The following GPC6 variants were observed in gnomAD, a reference collection of about 807,000 sequenced individuals.
GPC6 encodes the protein glypican 6.
In GPC6, 14 loss-of-function variants were observed where a neutral mutation model predicts 55.2. The observed-to-expected ratio is 0.25, with a 90% CI of 0.17 to 0.40. GPC6 has a LOEUF of 0.40. Ranked by LOEUF, GPC6 falls within the 10% of genes least tolerant of loss-of-function variation. The pLI, the probability that GPC6 is intolerant of heterozygous loss-of-function variation, is 1.00. For missense variants in GPC6, 641 were observed against 708.5 expected, an observed-to-expected ratio of 0.90 and a Z score of 1.08; for synonymous variants, 278 against 259.6, an observed-to-expected ratio of 1.07 and a Z score of -0.68.
intron 2 of GPC6, among the ~76,000 whole-genome samples, chr13:93,548,890 A>G (rs1277383456): frequency 6.6e-6 from 1 of 152,216 alleles, no homozygotes; most frequent in Non-Finnish European, 1.5e-5. Flanking sequence ...AAATGTCATG[A>G]TAAAAGTCTA....
At chr13:93,584,845 T>C (rs1003523557) in intron 2 of GPC6, among the ~76,000 whole-genome samples, 1 of 151,926 alleles carries the variant, frequency 6.6e-6, no homozygotes, top group Non-Finnish European at 1.5e-5. Flanking sequence ...TGCACCACCA[T>C]GTTCAGCGAA....
chr13:94,320,184 G>C (rs941613128), intron 6 of GPC6, among the ~76,000 whole-genome samples: 2 of 152,126 alleles, frequency 1.3e-5, no homozygotes, highest in African/African-American at 4.8e-5. Flanking sequence ...CAGCCACTTA[G>C]TTTTTAACGT....
chr13:94,030,406 A>G (rs1013086414), intron 4 of GPC6, among the ~76,000 whole-genome samples: 3 of 152,122 alleles, frequency 2.0e-5, no homozygotes, highest in African/African-American at 7.2e-5. Flanking sequence ...ATTGACCACC[A>G]ATACAGACTT....
At chr13:93,685,145 C>A (rs1181112434) in intron 2 of GPC6, among the ~76,000 whole-genome samples, 1 of 152,176 alleles carries the variant, frequency 6.6e-6, no homozygotes, top group Non-Finnish European at 1.5e-5. Flanking sequence ...TTTTCTCTTT[C>A]ATTTGAGAGT....
chr13:94,137,769 C>G, intron 4 of GPC6, among the ~76,000 whole-genome samples: 1 of 152,012 alleles, frequency 6.6e-6, no homozygotes, highest in East Asian at 1.9e-4. Flanking sequence ...GGCAAAATGA[C>G]CTATTATTCA....
chr13:93,320,387 TAAAG>T (rs1455859393), intron 1 of GPC6, among the ~76,000 whole-genome samples: 2 of 151,412 alleles, frequency 1.3e-5, no homozygotes, highest in East Asian at 1.9e-4. Flanking sequence ...AGCTATTTAT[TAAAG>T]AAAGTGCTCA....
At chr13:94,204,128 C>A (rs906338526) in intron 4 of GPC6, among the ~76,000 whole-genome samples, 1 of 151,984 alleles carries the variant, frequency 6.6e-6, no homozygotes, top group Non-Finnish European at 1.5e-5. Context: ...TAGATTTAAA[C>A]AACATCTCAA....
At chr13:94,094,682 T>C (rs1432916250) in intron 4 of GPC6, among the ~76,000 whole-genome samples, 4 of 152,162 alleles carry the variant, frequency 2.6e-5, no homozygotes, top group Non-Finnish European at 5.9e-5. Flanking sequence ...TAATTATTGG[T>C]TTAGTTTTTA....
At chr13:93,965,449 A>C (rs960678038) in intron 3 of GPC6, among the ~76,000 whole-genome samples, 1 of 152,044 alleles carries the variant, frequency 6.6e-6, no homozygotes, top group East Asian at 1.9e-4. Context: ...ATACTTTGCA[A>C]TTCATTCGGT....
intron 3 of GPC6, among the ~76,000 whole-genome samples, chr13:94,015,475 G>A (rs576407867): frequency 6.6e-6 from 1 of 152,142 alleles, no homozygotes; most frequent in East Asian, 1.9e-4. Flanking sequence ...TGGTTATCAT[G>A]TTACTTTCCT....
chr13:93,389,291 A>G (rs1486704992), intron 1 of GPC6, among the ~76,000 whole-genome samples: 2 of 151,770 alleles, frequency 1.3e-5, no homozygotes, highest in Non-Finnish European at 1.5e-5. Flanking sequence ...AGGTCAGGAG[A>G]TCGAGACCAT....
chr13:94,083,159 C>T (rs1409039100), intron 4 of GPC6, among the ~76,000 whole-genome samples: 1 of 152,156 alleles, frequency 6.6e-6, no homozygotes, highest in Non-Finnish European at 1.5e-5. Flanking sequence ...CGCTGTGTTG[C>T]CCAGGCTGGA....
chr13:93,757,632 T>C (rs1184744773), intron 2 of GPC6, among the ~76,000 whole-genome samples: 1 of 152,154 alleles, frequency 6.6e-6, no homozygotes, highest in East Asian at 1.9e-4. Flanking sequence ...TCCTTGTTCA[T>C]CTCTTTCTAG....
At chr13:94,049,839 C>T (rs920674240) in intron 4 of GPC6, among the ~76,000 whole-genome samples, 3 of 152,072 alleles carry the variant, frequency 2.0e-5, no homozygotes, top group African/African-American at 7.2e-5. Context: ...AACTATAGTT[C>T]CCATAATCCC....
intron 4 of GPC6, among the ~76,000 whole-genome samples, chr13:94,060,065 G>GA (rs1325766181): frequency 6.6e-6 from 1 of 151,826 alleles, no homozygotes; most frequent in Non-Finnish European, 1.5e-5. Flanking sequence ...TTATTATACA[G>GA]AAAAAACAAT....
intron 3 of GPC6, among the ~76,000 whole-genome samples, chr13:93,869,731 C>G (rs892515836): frequency 1.3e-5 from 2 of 151,778 alleles, no homozygotes; most frequent in African/African-American, 4.8e-5. Flanking sequence ...ATTTTCCTAG[C>G]ATGTTTCTTA....
At position 93,901,588 on chromosome 13, in the gene GPC6, A is replaced by G. The variant is rs145244501; in HGVS notation, c.711+71043A>G. Among the ~76,000 whole-genome samples the G allele has an allele frequency of 7.2e-5, 11 of 152,264 alleles. No homozygotes were observed. In the East Asian group the frequency reaches 2.1e-3, roughly 29 times the overall value. On this transcript the variant is annotated intron_variant, in intron 3 of 8. Transcript: ENST00000377047. ...AGAGTACAGATCCCTTTAACAGATC[A>G]AACAAGACATAACTCTTTAAAAAGA...
At chr13:94,033,434 C>T (rs964697909) in intron 4 of GPC6, among the ~76,000 whole-genome samples, 2 of 152,048 alleles carry the variant, frequency 1.3e-5, no homozygotes, top group African/African-American at 2.4e-5. Flanking sequence ...TTTGTGCATT[C>T]GTAATTTTGT....
chr13:93,252,448 C>T (rs1876818850), intron 1 of GPC6, among the ~76,000 whole-genome samples: 1 of 152,200 alleles, frequency 6.6e-6, no homozygotes, highest in Non-Finnish European at 1.5e-5. Flanking sequence ...CGTGACAATG[C>T]TGATGTCTTC....
Sources: allele counts gnomAD v4.1 joint callset (sites outside exome capture counted in the v4.1 genomes callset), GRCh38; gene constraint gnomAD v4.1.1; transcripts MANE v1.5; gene names NCBI Gene and HGNC (gene_info 2026-07-23, HGNC 2026-07-21).